The following WDR1 variants were observed in gnomAD, a reference collection of about 807,000 sequenced individuals.
WDR1 encodes WD repeat domain 1.
Under a neutral mutation model 71.9 loss-of-function variants are expected in WDR1, and 21 were observed. That is an observed-to-expected ratio of 0.29 (90% CI 0.21 to 0.42). WDR1 has a LOEUF of 0.42. WDR1 is among the 10% of genes least tolerant of loss of function. WDR1 has a pLI of 1.00. For synonymous variants in WDR1, 424 were observed against 347.4 expected (o/e 1.22, Z -2.45); for missense variants, 696 against 824.5 (o/e 0.84, Z 1.91).
chr4:10,095,390 G>A (rs1448391989), intron 5 of WDR1, among the ~76,000 whole-genome samples: 3 of 152,246 alleles, frequency 2.0e-5, no homozygotes, highest in South Asian at 2.1e-4. Flanking sequence ...CAGGCTTTCC[G>A]ACCACATCAG....
intron 5 of WDR1, among the ~76,000 whole-genome samples, chr4:10,090,216 C>T (rs781719929): frequency 1.3e-5 from 2 of 152,214 alleles, no homozygotes; most frequent in Non-Finnish European, 2.9e-5. Flanking sequence ...GCTTAACAAA[C>T]TTTGTTATGG....
In WDR1 at chr4:10,078,928, A is replaced by G. The variant is rs1178762471; in HGVS notation, c.1358T>C (p.Val453Ala). The G allele has an allele frequency of 2.5e-6, 4 of 1,612,894 alleles. No individual in the cohort carries two copies. Among genetic ancestry groups the G allele is most frequent in the Non-Finnish European group, 3.4e-6 (4 of 1,179,430 alleles). The change falls in exon 12 of 15, where the codon GTG becomes GCG. Residue 453 changes from valine to alanine, a missense_variant. Val to Ala is a moderately conservative substitution (Grantham distance 64). Coordinates refer to ENST00000499869, the MANE Select transcript of WDR1 (RefSeq NM_017491.5). Reference sequence around the variant, plus strand: ...TGCCACCGTGTCCCCGCCGGGGTGCACTGCCACAACTTCGGGCTCGTAGCC... The same window carrying G: ...TGCCACCGTGTCCCCGCCGGGGTGCGCTGCCACAACTTCGGGCTCGTAGCC... Reference protein sequence around the residue: ...NPGYEPEVVAVHPGGDTVAIG... With the variant: ...NPGYEPEVVAAHPGGDTVAIG...
chr4:10,086,690 G>A (rs532735084), intron 8 of WDR1, among the ~76,000 whole-genome samples: 1 of 152,336 alleles, frequency 6.6e-6, no homozygotes, highest in South Asian at 2.1e-4. Context: ...GCAGCAGGAT[G>A]CAATGGGTGA....
chr4:10,085,989 T>G (rs914559972), intron 8 of WDR1, among the ~76,000 whole-genome samples: 3 of 152,092 alleles, frequency 2.0e-5, no homozygotes, highest in Non-Finnish European at 4.4e-5. Context: ...CCGGGTGCAC[T>G]GGCCCCAGAC....
chr4:10,082,453 T>G (rs557608221), intron 10 of WDR1, among the ~76,000 whole-genome samples: 2 of 152,268 alleles, frequency 1.3e-5, no homozygotes, highest in South Asian at 4.1e-4. Flanking sequence ...TCCTGGAACA[T>G]TTCTCTTTCA....
rs573064813 is a variant in WDR1, at chr4:10,110,097, CG to C, written c.138+6015del. ...GTATACACTGGATTGGACAGTGGGGCGGGGGTAGGGGTGGGATGCTGGCCTT... is the reference window on the plus strand; with the variant it reads ...GTATACACTGGATTGGACAGTGGGGCGGGGTAGGGGTGGGATGCTGGCCTT... On this transcript the variant is annotated intron_variant, in intron 2 of 14. Coordinates refer to ENST00000499869, the MANE Select transcript of WDR1 (RefSeq NM_017491.5). Among the ~76,000 whole-genome samples, 36 of 141,164 alleles carry C rather than the reference CG, an allele frequency of 2.6e-4. 1 individual carries two copies. In the South Asian group the frequency reaches 8.9e-3, roughly 35 times the overall value. The allele number at this position is 141,164 out of a possible 152,430, so 92.6% of individuals were successfully genotyped here.
rs533552912 is a variant in WDR1 at position 10,079,054 on chromosome 4, C to T, written c.1285-53G>A. ...GCGGTCCAGCCCTTCGGGACAAAAC[C>T]CTCAGTGGTAGGAGGGGCGCGTCCC... On this transcript the variant is annotated intron_variant, in intron 11 of 14. Coordinates refer to ENST00000499869, the MANE Select transcript of WDR1 (RefSeq NM_017491.5). The T allele has an allele frequency of 8.2e-6, 12 of 1,458,424 alleles. No homozygotes were observed. The East Asian group carries it at 2.7e-4, about 33-fold the overall frequency. 90.3% of individuals were successfully genotyped at this position (1,458,424 alleles called of 1,614,324 possible). A position where few individuals can be genotyped will look rare whatever the true frequency, so the allele number is the denominator to read the frequency against.
At chr4:10,081,559 A>T in intron 10 of WDR1, 115 bp from the exon 11 acceptor site, 2 of 858,034 alleles carry the variant, frequency 2.3e-6, no homozygotes, top group Non-Finnish European at 3.8e-6. Flanking sequence ...TTCTATTGCC[A>T]CCTATACTGG....
chr4:10,084,421 A>C, intron 9 of WDR1, 22 bp downstream of exon 9: 1 of 1,610,470 alleles, frequency 6.2e-7, no homozygotes, highest in African/African-American at 1.3e-5. Flanking sequence ...CTCCGGAGCC[A>C]GCTCTTTGAG....
chr4:10,077,556 C>A, intron 13 of WDR1, 108 bp from the exon 14 acceptor site: 1 of 1,544,550 alleles, frequency 6.5e-7, no homozygotes, highest in Non-Finnish European at 8.8e-7. Context: ...AGGTTTCTCA[C>A]GCGCTAACTC....
chr4:10,116,064 C>T (rs757710115), intron 2 of WDR1, 49 bp downstream of exon 2: 4 of 1,595,240 alleles, frequency 2.5e-6, no homozygotes, highest in South Asian at 2.2e-5. Flanking sequence ...ATTATCCCAT[C>T]CCAAGGTGGC....
chr4:10,088,177 C>T (rs922975348), intron 7 of WDR1, 116 bp downstream of exon 7: 15 of 1,093,334 alleles, frequency 1.4e-5, no homozygotes, highest in Admixed American at 4.0e-5. Flanking sequence ...AAAACCGCCC[C>T]GACTTATAGC....
intron 5 of WDR1, chr4:10,093,041 A>C: frequency 7.8e-7 from 1 of 1,288,348 alleles, no homozygotes; most frequent in Non-Finnish European, 1.0e-6. Context: ...GCTCCCTCTC[A>C]CCACCGAGGA....
intron 2 of WDR1, among the ~76,000 whole-genome samples, chr4:10,112,696 T>C (rs1251024744): frequency 5.3e-5 from 8 of 152,252 alleles, no homozygotes; most frequent in Non-Finnish European, 1.0e-4. Flanking sequence ...CAATCTACAC[T>C]GAGCTGAGCT....
intron 10 of WDR1, among the ~76,000 whole-genome samples, chr4:10,082,544 C>T (rs1302196616): frequency 6.6e-6 from 1 of 152,176 alleles, no homozygotes; most frequent in African/African-American, 2.4e-5. Context: ...AATCAAAGGC[C>T]CAAGACCAAA....
chr4:10,102,083 T>G (rs1043696724), intron 3 of WDR1, among the ~76,000 whole-genome samples: 1 of 152,198 alleles, frequency 6.6e-6, no homozygotes, highest in Admixed American at 6.5e-5. Context: ...CCAACAGCAG[T>G]CAGCCAGCTC....
chr4:10,079,168 T>G (rs771219402), intron 11 of WDR1, among the ~76,000 whole-genome samples, 167 bp from the exon 12 acceptor site: 43 of 152,210 alleles, frequency 2.8e-4, no homozygotes, highest in Non-Finnish European at 6.0e-4. Flanking sequence ...CCTGGACTCA[T>G]GTCCCGTTTG....
At chr4:10,077,618 G>T in intron 13 of WDR1, 135 bp downstream of exon 13, 1 of 1,444,852 alleles carries the variant, frequency 6.9e-7, no homozygotes, top group Non-Finnish European at 9.3e-7. Context: ...ATGGCACGAG[G>T]CACCTGCTAC....
Position 10,077,051 on chromosome 4 carries a change from G to A in WDR1, c.1714+253C>T, listed in dbSNP as rs1005614937. The A allele has an allele frequency of 5.2e-5, 25 of 482,018 alleles. No individual in the cohort carries two copies. The Middle Eastern group carries it at 1.6e-3, about 31-fold the overall frequency. 29.9% of individuals were successfully genotyped at this position (482,018 alleles called of 1,614,324 possible). A position where few individuals can be genotyped will look rare whatever the true frequency, so the allele number is the denominator to read the frequency against. On this transcript the variant is annotated intron_variant, in intron 14 of 14. Coordinates refer to ENST00000499869, the MANE Select transcript of WDR1 (RefSeq NM_017491.5). ...TTAAGGGGTGAGTGGGGGAAGTGAA[G>A]ATGTCAAAAGTGAGGCCTTCACTCA... is the stretch of plus-strand genomic sequence containing the variant.
Sources: allele counts gnomAD v4.1 joint callset (sites outside exome capture counted in the v4.1 genomes callset), GRCh38; gene constraint gnomAD v4.1.1; transcripts MANE v1.5; gene names NCBI Gene and HGNC (gene_info 2026-07-23, HGNC 2026-07-21).